The following KIF4A variants were observed in gnomAD, a reference collection of about 807,000 sequenced individuals.
The protein encoded by KIF4A is kinesin family member 4A, also known as chromosome-associated kinesin KIF4A.
Under a neutral mutation model 105.9 loss-of-function variants are expected in KIF4A, and 7 were observed. That is an observed-to-expected ratio of 0.07 (90% CI 0.04 to 0.12). The LOEUF (loss-of-function observed/expected upper bound fraction) is 0.12, where lower values mean the gene tolerates loss of function less well. Among genes scored for constraint, KIF4A ranks in the 10% least tolerant of loss-of-function variants. The pLI is 1.00. For synonymous variants in KIF4A, 281 were observed against 331.3 expected (o/e 0.85, Z 1.65); for missense variants, 558 against 929.2 (o/e 0.60, Z 5.19).
At chrX:70,309,232 T>C (rs908647580) in intron 7 of KIF4A, among the ~76,000 whole-genome samples, 10 of 112,510 alleles carry the variant, frequency 8.9e-5, no homozygotes, top group African/African-American at 2.9e-4. Context: ...TGTTTCTCTA[T>C]ACTACTGACA....
At chrX:70,366,163 C>T (rs149638765) in intron 15 of KIF4A, among the ~76,000 whole-genome samples, 2,021 of 111,188 alleles carry the variant, frequency 0.018, 38 homozygotes, top group African/African-American at 0.057. Context: ...GTCTTGCTAG[C>T]GGTCTATGAA....
At chrX:70,370,935 C>A (rs867135565) in intron 15 of KIF4A, among the ~76,000 whole-genome samples, 1,714 of 66,840 alleles carry the variant, frequency 0.026, no homozygotes, top group African/African-American at 0.027. Flanking sequence ...GACTCTGTCT[C>A]AAAAAAAAAA....
intron 13 of KIF4A, among the ~76,000 whole-genome samples, chrX:70,349,444 C>T (rs2086014073): frequency 1.0e-5 from 1 of 95,804 alleles, no homozygotes; most frequent in Admixed American, 1.1e-4. Context: ...CAGAGGCGCT[C>T]CCCACTTCCC....
chrX:70,405,511 G>A (rs73215000), intron 25 of KIF4A, among the ~76,000 whole-genome samples: 6,828 of 111,345 alleles, frequency 0.061, 195 homozygotes, highest in Middle Eastern at 0.093. Context: ...GTTTCTGCGG[G>A]TTTCTTAATC....
intron 7 of KIF4A, among the ~76,000 whole-genome samples, chrX:70,308,679 G>A (rs1159271173): frequency 2.7e-5 from 3 of 111,793 alleles, no homozygotes; most frequent in East Asian, 2.8e-4. Flanking sequence ...GCACGATCTC[G>A]GCTCACTGCA....
intron 7 of KIF4A, among the ~76,000 whole-genome samples, chrX:70,313,803 A>G (rs917850103): frequency 8.9e-5 from 10 of 112,295 alleles, no homozygotes; most frequent in African/African-American, 3.2e-4. Context: ...CTCTAAAGGA[A>G]TTTTACTCAA....
intron 15 of KIF4A, among the ~76,000 whole-genome samples, chrX:70,360,168 A>C (rs1447752191): frequency 8.9e-6 from 1 of 112,023 alleles, no homozygotes; most frequent in Non-Finnish European, 1.9e-5. Context: ...TTTCACACAC[A>C]CACTCCTAGC....
chrX:70,404,816 G>A lies in KIF4A; in HGVS notation c.2892G>A (p.Lys964=). ...EKEQQLLSTL[K]CQDEELEKMR... ...AACAGCAGCTGCTGAGCACACTGAA[G>A]TGTCAGGTATGATCACGAGAGGTCT... Residue 964 remains lysine, a synonymous_variant, in exon 25 of 31, where the codon AAG becomes AAA. Coordinates refer to ENST00000374403, the MANE Select transcript of KIF4A (RefSeq NM_012310.5). The A allele has an allele frequency of 2.6e-6, 3 of 1,176,438 alleles. No individual in the cohort carries two copies. The South Asian group carries it at 5.5e-5, about 22-fold the overall frequency.
chrX:70,418,229 A>G (rs1369607214), intron 29 of KIF4A, among the ~76,000 whole-genome samples: 1 of 111,254 alleles, frequency 9.0e-6, no homozygotes, highest in Non-Finnish European at 1.9e-5. Context: ...TTCCCAGGAG[A>G]TTCCCAGGTA....
At chrX:70,377,493 T>C (rs1333502699) in intron 18 of KIF4A, among the ~76,000 whole-genome samples, 1 of 112,426 alleles carries the variant, frequency 8.9e-6, no homozygotes, top group Non-Finnish European at 1.9e-5. Context: ...TATAAGTTTA[T>C]GTAATATGCT....
intron 27 of KIF4A, 67 bp downstream of exon 27, chrX:70,406,421 C>G (rs1169275307): frequency 1.1e-6 from 1 of 880,251 alleles, no homozygotes; most frequent in Non-Finnish European, 1.6e-6. Flanking sequence ...CTAAAATTGC[C>G]CTTTATAAGA....
chrX:70,415,123 A>G (rs2086337782), intron 28 of KIF4A, among the ~76,000 whole-genome samples: 2 of 112,264 alleles, frequency 1.8e-5, no homozygotes, highest in Admixed American at 1.9e-4. Context: ...GGCACACATT[A>G]ATGTTAGCTA....
chrX:70,359,431 CTT>C (rs2086064785), intron 15 of KIF4A, among the ~76,000 whole-genome samples: 3 of 107,381 alleles, frequency 2.8e-5, no homozygotes, highest in Non-Finnish European at 5.7e-5. Flanking sequence ...TTCTTTCTTT[CTT>C]TCTTTCTCTC....
chrX:70,409,945 G>A (rs1354968783), intron 28 of KIF4A, among the ~76,000 whole-genome samples: 1 of 111,415 alleles, frequency 9.0e-6, no homozygotes, highest in Non-Finnish European at 1.9e-5. Flanking sequence ...GCTTAAAAGG[G>A]CAACATAGAA....
At chrX:70,315,017 A>G (rs957055004) in intron 7 of KIF4A, among the ~76,000 whole-genome samples, 2 of 111,711 alleles carry the variant, frequency 1.8e-5, no homozygotes, top group Non-Finnish European at 3.8e-5. Flanking sequence ...TATCCTTTCC[A>G]TTAATTTCTT....
chrX:70,404,097 TAAAA>T, intron 24 of KIF4A, 63 bp downstream of exon 24: 1 of 1,106,384 alleles, frequency 9.0e-7, no homozygotes, highest in Non-Finnish European at 1.2e-6. Flanking sequence ...TTGTTAGTTT[TAAAA>T]AAAAAGTGGG....
chrX:70,354,530 C>T (rs897262212), intron 15 of KIF4A, among the ~76,000 whole-genome samples: 1 of 112,742 alleles, frequency 8.9e-6, no homozygotes, highest in Non-Finnish European at 1.9e-5. Flanking sequence ...TATTTCCAAT[C>T]TACAACCATT....
intron 14 of KIF4A, among the ~76,000 whole-genome samples, chrX:70,353,086 A>G (rs186070039): frequency 1.8e-5 from 2 of 112,631 alleles, no homozygotes; most frequent in Admixed American, 1.9e-4. Context: ...AAATAATTTA[A>G]GTGTTCAGAT....
intron 28 of KIF4A, among the ~76,000 whole-genome samples, chrX:70,410,949 C>T (rs148127402): frequency 1.7e-3 from 194 of 112,378 alleles, no homozygotes; most frequent in Middle Eastern, 0.014. Context: ...GTTTTAATAA[C>T]AATGCTTTTA....
Sources: allele counts gnomAD v4.1 joint callset (sites outside exome capture counted in the v4.1 genomes callset), GRCh38; gene constraint gnomAD v4.1.1; transcripts MANE v1.5; gene names NCBI Gene and HGNC (gene_info 2026-07-23, HGNC 2026-07-21).